The following SNX12 variants were observed in gnomAD, a reference collection of about 807,000 sequenced individuals.
SNX12 encodes the protein sorting nexin-12.
For missense variants in SNX12, 62 were observed against 141.3 expected (o/e 0.44, Z 2.84); for synonymous variants, 47 against 56.0 (o/e 0.84, Z 0.71).
chrX:71,071,527 ATT>A (rs775282182), upstream of SNX12, among the ~76,000 whole-genome samples: 1 of 33,210 alleles, frequency 3.0e-5, no homozygotes, highest in South Asian at 7.9e-4. Context: ...TTATATATAT[ATT>A]TATATTTATA....
chrX:71,067,914 TGG>T (rs1413765758), intron 1 of SNX12, among the ~76,000 whole-genome samples: 1 of 110,745 alleles, frequency 9.0e-6, no homozygotes, highest in Non-Finnish European at 1.9e-5. Flanking sequence ...CACTTCCTCA[TGG>T]GTAGCTTTCC....
At chrX:71,069,565 A>C (rs1461034282), upstream of SNX12, among the ~76,000 whole-genome samples, 1 of 112,514 alleles carries the variant, frequency 8.9e-6, no homozygotes, top group Non-Finnish European at 1.9e-5. Context: ...TGGAGGAGGA[A>C]ACATCTGAGT....
upstream of SNX12, among the ~76,000 whole-genome samples, chrX:71,072,192 A>G (rs1297113906): frequency 9.4e-6 from 1 of 106,412 alleles, no homozygotes; most frequent in Non-Finnish European, 1.9e-5. Context: ...CGGGAGGCGG[A>G]GGTTGCAGTG....
At chrX:71,067,390 A>G (rs2092157610) in intron 1 of SNX12, among the ~76,000 whole-genome samples, 1 of 112,283 alleles carries the variant, frequency 8.9e-6, no homozygotes, top group Non-Finnish European at 1.9e-5. Context: ...ACTGAAATAA[A>G]CATTCTGGAT....
chrX:71,062,773 T>TTTA lies in SNX12; in HGVS notation c.261+78_261+80dup, dbSNP rs2092137018. The TTTA allele has an allele frequency of 4.9e-6, 3 of 608,548 alleles. No homozygotes were observed. The African/African-American group carries it at 6.7e-5, about 14-fold the overall frequency. 50.2% of individuals were successfully genotyped at this position (608,548 alleles called of 1,213,427 possible). On this transcript the variant is annotated intron_variant, in intron 2 of 3. Coordinates refer to ENST00000374274, the MANE Select transcript of SNX12 (RefSeq NM_013346.4). The stretch of plus-strand genomic sequence containing the variant: ...TCACCCTCTTCATTCCCTTCAAGAC[T>TTTA]TTATAGACTGTGGTTGTATGCCCAC...
chrX:71,064,487 A>G (rs2092144322), intron 1 of SNX12, among the ~76,000 whole-genome samples: 1 of 112,772 alleles, frequency 8.9e-6, no homozygotes, highest in African/African-American at 3.2e-5. Flanking sequence ...AAGTTACTCA[A>G]TAAATGCTCA....
At chrX:71,061,820 G>A (rs370966717) in intron 3 of SNX12, 23 bp downstream of exon 3, 2 of 1,195,848 alleles carry the variant, frequency 1.7e-6, no homozygotes, top group African/African-American at 1.8e-5. Flanking sequence ...GTAGCAAGTG[G>A]AGCCCCCAGG....
At chrX:71,069,459 A>C (rs1203071990), upstream of SNX12, among the ~76,000 whole-genome samples, 2 of 112,714 alleles carry the variant, frequency 1.8e-5, no homozygotes, top group African/African-American at 6.5e-5. Flanking sequence ...GGAGACAAGT[A>C]AACAAAACTA....
At chrX:71,062,728 T>A in intron 2 of SNX12, 126 bp downstream of exon 2, 1 of 479,398 alleles carries the variant, frequency 2.1e-6, no homozygotes, top group Non-Finnish European at 3.7e-6. Flanking sequence ...AATACTGAGA[T>A]TTGATGGATA....
chrX:71,064,454 ATCT>A (rs1311713829), intron 1 of SNX12, among the ~76,000 whole-genome samples: 1 of 112,764 alleles, frequency 8.9e-6, no homozygotes, highest in African/African-American at 3.2e-5. Flanking sequence ...CTACTTCTGC[ATCT>A]TCTAAAATGC....
chrX:71,061,543 G>A (rs1432542901), intron 3 of SNX12, among the ~76,000 whole-genome samples: 1 of 111,652 alleles, frequency 9.0e-6, no homozygotes, highest in Non-Finnish European at 1.9e-5. Context: ...GACCAGTCTG[G>A]CCAACATGGT....
intron 1 of SNX12, among the ~76,000 whole-genome samples, chrX:71,067,290 A>T (rs73548337): frequency 0.04 from 4,441 of 112,141 alleles, 190 homozygotes; most frequent in African/African-American, 0.12. Flanking sequence ...AAGTAACTAC[A>T]GACCAGGGTC....
At chrX:71,062,371 T>TC (rs1366918247) in intron 2 of SNX12, among the ~76,000 whole-genome samples, 6 of 93,771 alleles carry the variant, frequency 6.4e-5, no homozygotes, top group Non-Finnish European at 1.1e-4. Context: ...CCACTTTCTT[T>TC]TTTTTTTTTT....
upstream of SNX12, chrX:71,068,455 G>A (rs947092739): frequency 9.9e-6 from 4 of 405,003 alleles, no homozygotes; most frequent in East Asian, 1.8e-4. Context: ...GCACGCGCAC[G>A]CCGCACGGGC....
chrX:71,068,061 GC>G, intron 1 of SNX12, 80 bp downstream of exon 1: 1 of 856,811 alleles, frequency 1.2e-6, no homozygotes, highest in Non-Finnish European at 1.6e-6. Flanking sequence ...GCCGTTAGTT[GC>G]CCCCGCGGTA....
chrX:71,060,935 G>C lies in SNX12; in HGVS notation c.*81C>G. ...GCCAGGAGATGGGCAGCCAACTTCA[G>C]ATCAAAGACAGAGAGAGGCTTAGTG... On this transcript the variant is annotated 3_prime_UTR_variant, in exon 4 of 4. Coordinates refer to ENST00000374274, the MANE Select transcript of SNX12 (RefSeq NM_013346.4). 1.3e-6 allele frequency: 1 copy of C among 787,768 alleles called. No individual in the cohort carries two copies. The highest frequency in any genetic ancestry group is 1.9e-6 in the Non-Finnish European group (1 of 528,700). 64.9% of individuals were successfully genotyped at this position (787,768 alleles called of 1,213,427 possible).
intron 1 of SNX12, among the ~76,000 whole-genome samples, chrX:71,064,705 A>G (rs1420898247): frequency 1.8e-5 from 2 of 113,134 alleles, no homozygotes; most frequent in Non-Finnish European, 3.7e-5. Flanking sequence ...ACTCCTGTCT[A>G]CAAGTTCTAA....
At chrX:71,071,574 A>ATATATATAAATATATAATATATATAT (rs2092172690), upstream of SNX12, among the ~76,000 whole-genome samples, 27 of 30,624 alleles carry the variant, frequency 8.8e-4, no homozygotes, top group African/African-American at 5.1e-3. Flanking sequence ...TTTATATATT[A>ATATATATAAATATATAATATATATAT]TATATATAAA....
intron 1 of SNX12, 61 bp downstream of exon 1, chrX:71,068,081 C>T: frequency 4.9e-6 from 5 of 1,018,200 alleles, no homozygotes; most frequent in African/African-American, 1.9e-5. Context: ...TAGCCTCCCT[C>T]CCCCCTCCCG....
Sources: gnomAD v4.1 joint callset for allele counts (sites outside exome capture counted in the v4.1 genomes callset) on GRCh38, gnomAD v4.1.1 for gene constraint, MANE v1.5 for transcripts, NCBI Gene and HGNC (gene_info 2026-07-23, HGNC 2026-07-21) for gene names.